Variants in ADAMTS3 observed in about 807,000 individuals in gnomAD.
ADAMTS3 encodes ADAM metallopeptidase with thrombospondin type 1 motif 3, also known as A disintegrin and metalloproteinase with thrombospondin motifs 3.
Under a neutral mutation model 129.0 loss-of-function variants are expected in ADAMTS3, and 73 were observed. That is an observed-to-expected ratio of 0.57 (90% CI 0.47 to 0.69). The LOEUF is 0.69. Ranked by LOEUF, ADAMTS3 falls within the 30% of genes least tolerant of loss-of-function variation. The pLI is 0.00. For synonymous variants in ADAMTS3, 477 were observed against 510.8 expected (o/e 0.93, Z 0.89); for missense variants, 1,457 against 1,514.5 (o/e 0.96, Z 0.63).
At chr4:72,528,521 T>TA (rs11324929) in intron 3 of ADAMTS3, among the ~76,000 whole-genome samples, 5,679 of 89,632 alleles carry the variant, frequency 0.063, 126 homozygotes, top group Non-Finnish European at 0.093. Context: ...AAGTGAAAAC[T>TA]AAAAAAAAAA....
At position 72,414,848 on chromosome 4, in the gene ADAMTS3, G is replaced by A. The variant is rs759300617; in HGVS notation, c.628C>T (p.Pro210Ser). Residue 210 changes from proline to serine, a missense_variant, in exon 4 of 22, where the codon CCC (proline) becomes TCC (serine). Pro to Ser is a moderately conservative substitution (Grantham distance 74). Coordinates refer to ENST00000286657, the MANE Select transcript of ADAMTS3 (RefSeq NM_014243.3). ...VYKRSAVEQA[P>S]IDMSKDFHYR... ...TGGAAGTCTTTGGACATGTCTATGG[G>A]AGCCTGTTCTACAGCTGATCTCTTG... The A allele has an allele frequency of 2.6e-6, 4 of 1,542,174 alleles. No individual in the cohort carries two copies. Among genetic ancestry groups the A allele is most frequent in the Non-Finnish European group, 8.7e-7 (1 of 1,148,684 alleles).
intron 2 of ADAMTS3, among the ~76,000 whole-genome samples, chr4:72,560,055 A>G (rs540358226): frequency 6.6e-6 from 1 of 151,632 alleles, no homozygotes; most frequent in Admixed American, 6.6e-5. Flanking sequence ...CTACAACCTT[A>G]AACCTGACAA....
intron 4 of ADAMTS3, among the ~76,000 whole-genome samples, chr4:72,393,148 A>G (rs1721642780): frequency 1.3e-5 from 2 of 151,896 alleles, no homozygotes; most frequent in African/African-American, 4.8e-5. Context: ...CTGGTCTCGA[A>G]CTCCTGACCT....
At chr4:72,392,062 G>A (rs965064591) in intron 4 of ADAMTS3, among the ~76,000 whole-genome samples, 2 of 152,102 alleles carry the variant, frequency 1.3e-5, no homozygotes, top group African/African-American at 4.8e-5. Context: ...AAGATGTTTC[G>A]AGGATCTTAA....
chr4:72,344,583 G>C (rs1010216122), intron 4 of ADAMTS3, among the ~76,000 whole-genome samples: 1 of 152,152 alleles, frequency 6.6e-6, no homozygotes, highest in African/African-American at 2.4e-5. Flanking sequence ...AGGGTTACAT[G>C]TGACTAAGTA....
chr4:72,508,720 C>T (rs76104836), intron 3 of ADAMTS3, among the ~76,000 whole-genome samples: 6,078 of 151,930 alleles, frequency 0.04, 139 homozygotes, highest in Non-Finnish European at 0.048. Context: ...ACAAAAAATA[C>T]GTACTGTATA....
rs968525571 is a variant in ADAMTS3, at chr4:72,304,045, T to A, written c.2296A>T (p.Asn766Tyr). The change falls in exon 17 of 22, where the codon AAT becomes TAT. Residue 766 changes from asparagine to tyrosine, a missense_variant. Asn to Tyr is a moderately radical substitution (Grantham distance 143). Transcript: ENST00000286657. ...KNQATGHYIL[N>Y]GKGEEAKSRT... is the part of the protein sequence containing the mutation. ...GACTTGGCTTCCTCCCCTTTGCCAT[T>A]TAAAATATAATGGCCTGTAGCCTGG... The A allele has an allele frequency of 1.2e-6, 2 of 1,613,678 alleles. No homozygotes were observed. The highest frequency in any genetic ancestry group is 1.7e-6 in the Non-Finnish European group (2 of 1,179,706).
chr4:72,318,758 T>A, intron 9 of ADAMTS3, 54 bp from the exon 10 acceptor site: 1 of 1,549,466 alleles, frequency 6.5e-7, no homozygotes, highest in Non-Finnish European at 8.8e-7. Flanking sequence ...AAAAATCATG[T>A]CCTGATTTAA....
At chr4:72,541,094 A>G (rs1390347216) in intron 3 of ADAMTS3, among the ~76,000 whole-genome samples, 2 of 152,194 alleles carry the variant, frequency 1.3e-5, no homozygotes, top group African/African-American at 4.8e-5. Flanking sequence ...AGCCCATGAT[A>G]GCAGCTAGGA....
intron 3 of ADAMTS3, among the ~76,000 whole-genome samples, chr4:72,446,470 A>C (rs951965256): frequency 2.0e-5 from 3 of 151,630 alleles, no homozygotes; most frequent in Non-Finnish European, 3.0e-5. Context: ...GAACAAATTC[A>C]GGCTTCTTCC....
intron 3 of ADAMTS3, among the ~76,000 whole-genome samples, chr4:72,507,929 A>C (rs975645191): frequency 6.6e-6 from 1 of 152,206 alleles, no homozygotes; most frequent in African/African-American, 2.4e-5. Context: ...TTACTGCTTT[A>C]CATTTATGCT....
At chr4:72,427,617 G>A (rs567011401) in intron 3 of ADAMTS3, among the ~76,000 whole-genome samples, 1 of 151,750 alleles carries the variant, frequency 6.6e-6, no homozygotes, top group South Asian at 2.1e-4. Flanking sequence ...CTGGAAAACA[G>A]CAGAAGGAAA....
chr4:72,481,320 A>C (rs891397782), intron 3 of ADAMTS3, among the ~76,000 whole-genome samples: 4 of 152,218 alleles, frequency 2.6e-5, no homozygotes, highest in South Asian at 2.1e-4. Context: ...ACAGGAATCC[A>C]GATTGTGTCA....
chr4:72,485,014 A>T (rs114675000), intron 3 of ADAMTS3, among the ~76,000 whole-genome samples: 60 of 152,150 alleles, frequency 3.9e-4, no homozygotes, highest in African/African-American at 1.3e-3. Flanking sequence ...TGTCAGTAAG[A>T]TGAAATGGGT....
At chr4:72,527,537 C>G (rs974761470) in intron 3 of ADAMTS3, among the ~76,000 whole-genome samples, 1 of 152,058 alleles carries the variant, frequency 6.6e-6, no homozygotes, top group Non-Finnish European at 1.5e-5. Context: ...AATGACTCAG[C>G]CAAGTTCTAT....
chr4:72,424,328 GT>G (rs1208174570), intron 3 of ADAMTS3, among the ~76,000 whole-genome samples: 1 of 152,076 alleles, frequency 6.6e-6, no homozygotes, highest in Non-Finnish European at 1.5e-5. Context: ...TACCATTTCA[GT>G]TCCCTAATGA....
chr4:72,425,345 T>C (rs1722544382), intron 3 of ADAMTS3, among the ~76,000 whole-genome samples: 1 of 152,172 alleles, frequency 6.6e-6, no homozygotes, highest in Non-Finnish European at 1.5e-5. Flanking sequence ...TGATTCTTTT[T>C]TTTTATACTT....
intron 3 of ADAMTS3, among the ~76,000 whole-genome samples, chr4:72,460,182 G>A (rs1718727801): frequency 6.6e-6 from 1 of 151,508 alleles, no homozygotes; most frequent in Non-Finnish European, 1.5e-5. Flanking sequence ...TTCAACCAAA[G>A]ATTTGTTCAT....
At chr4:72,383,275 T>C (rs1282378673) in intron 4 of ADAMTS3, among the ~76,000 whole-genome samples, 1 of 152,064 alleles carries the variant, frequency 6.6e-6, no homozygotes, top group East Asian at 1.9e-4. Flanking sequence ...TCTGAAGTCA[T>C]TGGAGAATGA....
Sources: allele counts gnomAD v4.1 joint callset (sites outside exome capture counted in the v4.1 genomes callset), GRCh38; gene constraint gnomAD v4.1.1; transcripts MANE v1.5; gene names NCBI Gene and HGNC (gene_info 2026-07-23, HGNC 2026-07-21).